GDPD4: variants seen among roughly 807,000 people sequenced by gnomAD.
The protein encoded by GDPD4 is glycerophosphodiester phosphodiesterase 6.
A neutral mutation model predicts 67.8 loss-of-function variants in GDPD4; 60 were observed. That is an observed-to-expected ratio of 0.88 (90% CI 0.72 to 1.10). The LOEUF (loss-of-function observed/expected upper bound fraction) is 1.10, where lower values mean the gene tolerates loss of function less well. Among genes scored for constraint, GDPD4 ranks in the 50% least tolerant of loss-of-function variants. The pLI is 0.00. For synonymous variants in GDPD4, 212 were observed against 210.9 expected, an observed-to-expected ratio of 1.00 and a Z score of -0.04; for missense variants, 623 against 613.9, an observed-to-expected ratio of 1.01 and a Z score of -0.16.
At position 77,258,422 on chromosome 11, in the gene GDPD4, C is replaced by T. The variant is rs761639344; in HGVS notation, c.828G>A (p.Ser276=). 2.6e-5 allele frequency: 42 copies of T among 1,613,976 alleles called. No homozygotes were observed. The highest frequency in any genetic ancestry group is 7.7e-5 in the South Asian group (7 of 91,074). The change falls in exon 11 of 17, where the codon TCG becomes TCA. Residue 276 remains serine (S), a synonymous_variant. Transcript: ENST00000315938. ...NPAFFNWDFL[S]TLNAGKWFVK... ...CAAACCATTTGCCTGCATTCAGAGT[C>T]GATAGGAAATCCCAGTTGAAGAAGG...
rs764040453 is a variant in GDPD4 at position 77,245,397 on chromosome 11, C to A, written c.970G>T (p.Glu324Ter). ...LADLLTLAEK[E>*]RKFVIFDLHR... is the part of the protein sequence containing the mutation. ...AGATCAAATATCACAAATTTTCTTT[C>A]CTTCTCTGCAAGTGTCAATAAATCA... Residue 324 changes from glutamate to a stop codon, truncating the protein, a stop_gained, in exon 12 of 17, where the codon GAA becomes TAA. Coordinates refer to ENST00000315938, the MANE Select transcript of GDPD4 (RefSeq NM_182833.3). LOFTEE classifies it high-confidence loss of function. 5.9e-5 allele frequency: 95 copies of A among 1,614,032 alleles called. No homozygotes were observed. The highest frequency in any genetic ancestry group is 7.5e-5 in the Non-Finnish European group (88 of 1,179,984).
chr11:77,226,333 C>G (rs373386319), intron 16 of GDPD4, among the ~76,000 whole-genome samples: 1 of 152,078 alleles, frequency 6.6e-6, no homozygotes, highest in Non-Finnish European at 1.5e-5. Context: ...GGAGACAGGG[C>G]ACTTCAGGAG....
chr11:77,294,354 A>T (rs997966911), intron 1 of GDPD4, among the ~76,000 whole-genome samples: 14 of 152,224 alleles, frequency 9.2e-5, no homozygotes, highest in Non-Finnish European at 1.5e-5. Context: ...TTATTTAAAA[A>T]TTAAATTTAA....
At chr11:77,237,974 G>T (rs1248401635) in intron 13 of GDPD4, among the ~76,000 whole-genome samples, 1 of 152,030 alleles carries the variant, frequency 6.6e-6, no homozygotes, top group East Asian at 1.9e-4. Context: ...TTAGAAAGAA[G>T]ATCTAAAACA....
At chr11:77,289,292 G>T (rs1937677946) in intron 1 of GDPD4, among the ~76,000 whole-genome samples, 1 of 150,326 alleles carries the variant, frequency 6.7e-6, no homozygotes, top group Non-Finnish European at 1.5e-5. Flanking sequence ...GAACCTGGAA[G>T]GCGGAGGTTG....
chr11:77,271,148 C>T lies in GDPD4; in HGVS notation c.382G>A (p.Ala128Thr). 6.2e-7 allele frequency: 1 copy of T among 1,610,932 alleles called. No homozygotes were observed. The highest frequency in any genetic ancestry group is 1.1e-5 in the South Asian group (1 of 90,666). The change falls in exon 7 of 17, where the codon GCA (alanine) becomes ACA (threonine). Residue 128 changes from alanine to threonine, a missense_variant. Physicochemically the swap from Ala to Thr is moderately conservative, Grantham distance 58. Transcript: ENST00000315938. ...ILFWPVAFYV[A>T]CLEREVRMRR... ...GACATACCTTCTCTTTCCAAACATG[C>T]CACGTAGAAGGCCACAGGCCAGAAA...
intron 14 of GDPD4, among the ~76,000 whole-genome samples, chr11:77,231,039 A>C (rs555161344): frequency 1.3e-5 from 2 of 152,268 alleles, no homozygotes; most frequent in African/African-American, 4.8e-5. Context: ...CTCTAGACAA[A>C]TGAACAAGGC....
At chr11:77,268,185 T>C (rs1959187305) in intron 10 of GDPD4, among the ~76,000 whole-genome samples, 1 of 152,082 alleles carries the variant, frequency 6.6e-6, no homozygotes, top group South Asian at 2.1e-4. Flanking sequence ...AGTGAAGTGG[T>C]AAGCACGGTT....
At chr11:77,277,604 T>C (rs1959546734) in intron 4 of GDPD4, among the ~76,000 whole-genome samples, 1 of 151,720 alleles carries the variant, frequency 6.6e-6, no homozygotes, top group Non-Finnish European at 1.5e-5. Context: ...ACGGGGTTTA[T>C]CATTTTTTAT....
chr11:77,287,194 G>C (rs755895442), intron 2 of GDPD4, 24 bp downstream of exon 2: 1 of 152,172 alleles, frequency 6.6e-6, no homozygotes, highest in Non-Finnish European at 1.5e-5. Flanking sequence ...AGAAAATGTG[G>C]TCCAGCTCCT....
chr11:77,259,654 AC>A (rs1959074633), intron 10 of GDPD4, among the ~76,000 whole-genome samples: 1 of 151,680 alleles, frequency 6.6e-6, no homozygotes, highest in Non-Finnish European at 1.5e-5. Flanking sequence ...GGGTGGGGGA[AC>A]CTAAAAGGGA....
chr11:77,236,105 CA>C (rs1958562316), intron 13 of GDPD4, among the ~76,000 whole-genome samples: 1 of 151,536 alleles, frequency 6.6e-6, no homozygotes, highest in South Asian at 2.1e-4. Flanking sequence ...AAAAAAATAG[CA>C]TGATGGTAAT....
chr11:77,224,695 G>C (rs904942640), intron 16 of GDPD4, among the ~76,000 whole-genome samples: 6 of 152,178 alleles, frequency 3.9e-5, no homozygotes, highest in Non-Finnish European at 7.3e-5. Context: ...AGCCCCAATT[G>C]ATACCCTGTA....
chr11:77,267,322 G>GC (rs1959182853), intron 10 of GDPD4, among the ~76,000 whole-genome samples: 1 of 152,092 alleles, frequency 6.6e-6, no homozygotes, highest in Non-Finnish European at 1.5e-5. Flanking sequence ...GCCTAACAAC[G>GC]CATTTCTCAG....
chr11:77,272,863 T>C (rs1959282027), intron 5 of GDPD4, among the ~76,000 whole-genome samples: 1 of 152,164 alleles, frequency 6.6e-6, no homozygotes, highest in Admixed American at 6.5e-5. Flanking sequence ...CGTATTAGTA[T>C]ACATTCTGTT....
At chr11:77,298,721 C>A (rs1938062466) in intron 1 of GDPD4, among the ~76,000 whole-genome samples, 1 of 152,050 alleles carries the variant, frequency 6.6e-6, no homozygotes, top group African/African-American at 2.4e-5. Context: ...AGAAAAAGAT[C>A]TAGCTATGTT....
Position 77,289,822 on chromosome 11 carries a change from G to A in GDPD4, c.-253-2402C>T, listed in dbSNP as rs550462941. Among the ~76,000 whole-genome samples, 4 of 130,350 alleles carry A rather than the reference G, an allele frequency of 3.1e-5. No homozygotes were observed. The South Asian group carries it at 1.1e-3, about 37-fold the overall frequency. 85.5% of individuals were successfully genotyped at this position (130,350 alleles called of 152,430 possible). On this transcript the variant is annotated intron_variant, in intron 1 of 16. Coordinates refer to ENST00000315938, the MANE Select transcript of GDPD4 (RefSeq NM_182833.3). The stretch of plus-strand genomic sequence containing the variant: ...GAGAGAAGGAGGGAGGGAAGGAAGG[G>A]AGGGAGGGAGGGGAAGGAAAGGAGG...
intron 11 of GDPD4, among the ~76,000 whole-genome samples, chr11:77,249,141 C>T (rs1052991876): frequency 1.3e-5 from 2 of 150,782 alleles, no homozygotes; most frequent in African/African-American, 4.9e-5. Flanking sequence ...TGGTGTGTGC[C>T]TGTAGTCCCA....
chr11:77,252,364 G>T (rs1466226213), intron 11 of GDPD4, among the ~76,000 whole-genome samples: 1 of 151,802 alleles, frequency 6.6e-6, no homozygotes, highest in African/African-American at 2.4e-5. Context: ...ACATCCGGCT[G>T]GTTCTTTTTT....
Sources: gnomAD v4.1 joint callset for allele counts (sites outside exome capture counted in the v4.1 genomes callset) on GRCh38, gnomAD v4.1.1 for gene constraint, MANE v1.5 for transcripts, NCBI Gene and HGNC (gene_info 2026-07-23, HGNC 2026-07-21) for gene names.